The following SORCS1 variants were observed in gnomAD, a reference collection of about 807,000 sequenced individuals.
SORCS1 encodes the protein VPS10 domain-containing receptor SorCS1.
Under a neutral mutation model 146.1 loss-of-function variants are expected in SORCS1, and 60 were observed. The observed-to-expected ratio is 0.41, with a 90% CI of 0.33 to 0.51. The LOEUF (loss-of-function observed/expected upper bound fraction) is 0.51, where lower values mean the gene tolerates loss of function less well. Ranked by LOEUF, SORCS1 falls within the 20% of genes least tolerant of loss-of-function variation. The pLI, the probability that SORCS1 is intolerant of heterozygous loss-of-function variation, is 0.21. For missense variants in SORCS1, 1,352 were observed against 1,487.6 expected (o/e 0.91, Z 1.50); for synonymous variants, 637 against 584.0 (o/e 1.09, Z -1.31).
intron 1 of SORCS1, among the ~76,000 whole-genome samples, chr10:107,085,978 T>C (rs548550179): frequency 6.6e-6 from 1 of 152,168 alleles, no homozygotes; most frequent in Non-Finnish European, 1.5e-5. Context: ...AAGAATGCAG[T>C]TGGATAAAGA....
At chr10:106,951,902 A>AT (rs1954705389) in intron 2 of SORCS1, among the ~76,000 whole-genome samples, 1 of 152,144 alleles carries the variant, frequency 6.6e-6, no homozygotes, top group Admixed American at 6.5e-5. Context: ...CTTCTTTTGG[A>AT]TAAAAATAGG....
chr10:106,759,652 G>A (rs1858924823), intron 5 of SORCS1, among the ~76,000 whole-genome samples: 1 of 151,992 alleles, frequency 6.6e-6, no homozygotes, highest in African/African-American at 2.4e-5. Flanking sequence ...CCATTCCCAT[G>A]GACACAGCCA....
At chr10:107,082,601 C>G (rs1234541254) in intron 1 of SORCS1, among the ~76,000 whole-genome samples, 1 of 152,082 alleles carries the variant, frequency 6.6e-6, no homozygotes, top group Non-Finnish European at 1.5e-5. Context: ...CCTCACTCAG[C>G]CTCCAAAGTA....
chr10:106,928,256 G>A (rs1382235189), intron 2 of SORCS1, among the ~76,000 whole-genome samples: 1 of 152,240 alleles, frequency 6.6e-6, no homozygotes, highest in Non-Finnish European at 1.5e-5. Flanking sequence ...CCCGCGAGGA[G>A]GCAGCTAAGG....
In SORCS1 at chr10:106,679,481, G is replaced by T. The variant is rs868032065; in HGVS notation, c.1664-149C>A. 6 of 936,762 alleles carry T rather than the reference G, an allele frequency of 6.4e-6. No individual in the cohort carries two copies. In the African/African-American group the frequency reaches 9.9e-5, roughly 15 times the overall value. The allele number at this position is 936,762 out of a possible 1,614,324, so 58.0% of individuals were successfully genotyped here. On this transcript the variant is annotated intron_variant, in intron 11 of 25. Coordinates refer to ENST00000263054, the MANE Select transcript of SORCS1 (RefSeq NM_052918.5). ...CTGCAGACTTGCTTCAGGTCCAATG[G>T]TTTAGGTGCCTTTCAAAATTATTTT...
intron 1 of SORCS1, among the ~76,000 whole-genome samples, chr10:107,089,174 TTAG>T (rs1963985487): frequency 6.6e-6 from 1 of 152,224 alleles, no homozygotes; most frequent in East Asian, 1.9e-4. Flanking sequence ...TTTATTTTTT[TTAG>T]AATTTTACTT....
chr10:106,843,490 G>A lies in SORCS1; in HGVS notation c.627-13817C>T, dbSNP rs181223784. ...TGTTGCTCAGGCTGGAGAGTGCAGTGGCGCGATCTCGGCTCACTGCAAGCT... is the reference window on the plus strand; with the variant it reads ...TGTTGCTCAGGCTGGAGAGTGCAGTAGCGCGATCTCGGCTCACTGCAAGCT... On this transcript the variant is annotated intron_variant, in intron 2 of 25. Transcript: ENST00000263054. 6.4e-3 allele frequency among the ~76,000 whole-genome samples: 915 copies of A among 141,992 alleles called. 10 individuals are homozygous for A. The highest frequency in any genetic ancestry group is 0.02 in the African/African-American group (754 of 37,590). The allele number at this position is 141,992 out of a possible 152,430, so 93.2% of individuals were successfully genotyped here.
At chr10:107,009,334 A>C (rs1162026174) in intron 1 of SORCS1, among the ~76,000 whole-genome samples, 2 of 152,218 alleles carry the variant, frequency 1.3e-5, no homozygotes, top group Non-Finnish European at 2.9e-5. Flanking sequence ...CTTAGACAAT[A>C]CAATATATAC....
intron 1 of SORCS1, among the ~76,000 whole-genome samples, chr10:107,077,902 A>C (rs1026312623): frequency 1.3e-5 from 2 of 152,192 alleles, no homozygotes; most frequent in African/African-American, 4.8e-5. Flanking sequence ...GCTTAGAAAG[A>C]GAATTAGGGT....
Position 106,891,504 on chromosome 10 carries a change from C to CT in SORCS1, c.627-61832dup, listed in dbSNP as rs760812204. 2.4e-3 allele frequency among the ~76,000 whole-genome samples: 230 copies of CT among 97,206 alleles called. 21 individuals carry two copies. The South Asian group carries it at 0.033, about 14-fold the overall frequency. 63.8% of individuals were successfully genotyped at this position (97,206 alleles called of 152,430 possible). On this transcript the variant is annotated intron_variant, in intron 2 of 25. Transcript: ENST00000263054. ...GTAATCAGAAGTTTCAATGGGAATT[C>CT]TTTTTTTTTTTTTGAGAAAAGACCT...
chr10:106,910,489 AG>A (rs34382367), intron 2 of SORCS1, among the ~76,000 whole-genome samples: 1 of 152,172 alleles, frequency 6.6e-6, no homozygotes, highest in East Asian at 1.9e-4. Flanking sequence ...TGCCTTAGAC[AG>A]GGGGTCATAC....
chr10:106,910,283 T>TTGTG (rs141789814), intron 2 of SORCS1, among the ~76,000 whole-genome samples: 18,910 of 145,954 alleles, frequency 0.13, 1,295 homozygotes, highest in African/African-American at 0.19. Context: ...TCTCTTTACA[T>TTGTG]TGTGTGTGTG....
intron 1 of SORCS1, among the ~76,000 whole-genome samples, chr10:107,013,819 T>C (rs1957779621): frequency 6.6e-6 from 1 of 152,174 alleles, no homozygotes; most frequent in South Asian, 2.1e-4. Context: ...ATTTTGTTTC[T>C]AACAAGCTTA....
At chr10:107,024,102 A>G (rs1389831178) in intron 1 of SORCS1, among the ~76,000 whole-genome samples, 1 of 140,214 alleles carries the variant, frequency 7.1e-6, no homozygotes, top group African/African-American at 2.6e-5. Context: ...TGAATCCCGG[A>G]GGTGGAGGTT....
At chr10:107,149,053 C>T (rs749985945) in intron 1 of SORCS1, among the ~76,000 whole-genome samples, 22 of 152,214 alleles carry the variant, frequency 1.4e-4, no homozygotes, top group Non-Finnish European at 1.9e-4. Context: ...CTGAGACTTA[C>T]GTGCAAGGAA....
At chr10:106,623,273 C>T (rs1847870447) in intron 19 of SORCS1, among the ~76,000 whole-genome samples, 1 of 146,288 alleles carries the variant, frequency 6.8e-6, no homozygotes. Flanking sequence ...GACAGAGTCT[C>T]ACTCTGTCGC....
In SORCS1 at chr10:106,957,164, T is replaced by TG. The variant is rs755774426; in HGVS notation, c.559-585dup. On this transcript the variant is annotated intron_variant, in intron 1 of 25. Transcript: ENST00000263054. ...TATCTATTAGCATGTGGTTTTTTTTTGTTTTTTTTGTTTTTTTTTTTGGAG... is the reference window on the plus strand; with the variant it reads ...TATCTATTAGCATGTGGTTTTTTTTTGGTTTTTTTTGTTTTTTTTTTTGGAG... 6.4e-3 allele frequency among the ~76,000 whole-genome samples: 790 copies of TG among 123,904 alleles called. 7 individuals are homozygous for TG. The highest frequency in any genetic ancestry group is 0.026 in the Middle Eastern group (7 of 270). The allele number at this position is 123,904 out of a possible 152,430, so 81.3% of individuals were successfully genotyped here.
At chr10:106,951,513 G>GA (rs367987734) in intron 2 of SORCS1, among the ~76,000 whole-genome samples, 53,176 of 113,490 alleles carry the variant, frequency 0.47, 13,278 homozygotes, top group Non-Finnish European at 0.59. Context: ...CTCCGTCTCT[G>GA]AAAAAAAAAA....
intron 2 of SORCS1, among the ~76,000 whole-genome samples, chr10:106,853,833 A>T (rs542274138): frequency 2.6e-5 from 4 of 151,894 alleles, no homozygotes; most frequent in African/African-American, 4.8e-5. Context: ...TATAATTTCT[A>T]TTTGCTTCAG....
Sources: allele counts gnomAD v4.1 joint callset (sites outside exome capture counted in the v4.1 genomes callset), GRCh38; gene constraint gnomAD v4.1.1; transcripts MANE v1.5; gene names NCBI Gene and HGNC (gene_info 2026-07-23, HGNC 2026-07-21).